PIEZO2: variants seen among roughly 807,000 people sequenced by gnomAD.
The protein encoded by PIEZO2 is piezo type mechanosensitive ion channel component 2.
Under a neutral mutation model 337.3 loss-of-function variants are expected in PIEZO2, and 172 were observed. The ratio of observed to expected loss-of-function variants is 0.51; its 90% CI spans 0.45 to 0.58. The LOEUF (loss-of-function observed/expected upper bound fraction) is 0.58. PIEZO2 is among the 20% of genes least tolerant of loss of function. PIEZO2 has a pLI of 0.00. For missense variants in PIEZO2, 3,028 were observed against 3,391.3 expected, an observed-to-expected ratio of 0.89 and a Z score of 2.66; for synonymous variants, 1,251 against 1,228.5, an observed-to-expected ratio of 1.02 and a Z score of -0.38.
chr18:10,732,009 A>G (rs764843453), intron 35 of PIEZO2, among the ~76,000 whole-genome samples: 3 of 152,244 alleles, frequency 2.0e-5, no homozygotes, highest in Non-Finnish European at 2.9e-5. Context: ...GACTTGAGAA[A>G]GGGATTTGGA....
chr18:10,787,001 A>G, intron 16 of PIEZO2, 35 bp downstream of exon 16: 1 of 1,504,604 alleles, frequency 6.6e-7, no homozygotes, highest in Non-Finnish European at 8.9e-7. Context: ...TCAAGTCTTC[A>G]TCTTGTTCAT....
chr18:10,735,153 T>C (rs2036948271), intron 35 of PIEZO2, among the ~76,000 whole-genome samples, 79 bp downstream of exon 35: 1 of 152,246 alleles, frequency 6.6e-6, no homozygotes, highest in African/African-American at 2.4e-5. Context: ...AATGCAGAGA[T>C]AGGGCAATGA....
At chr18:10,891,355 G>A (rs1205827663) in intron 4 of PIEZO2, among the ~76,000 whole-genome samples, 1 of 152,102 alleles carries the variant, frequency 6.6e-6, no homozygotes. Context: ...TGCTTCCTGC[G>A]GTCACAGTAA....
At chr18:10,712,493 A>G (rs1322945431) in intron 39 of PIEZO2, among the ~76,000 whole-genome samples, 1 of 152,244 alleles carries the variant, frequency 6.6e-6, no homozygotes, top group Non-Finnish European at 1.5e-5. Flanking sequence ...TCTAAATAGA[A>G]CAGTTATAAT....
In PIEZO2 at chr18:11,146,518, G is replaced by C. The variant is rs1024890976; in HGVS notation, c.64+2007C>G. On this transcript the variant is annotated intron_variant, in intron 1 of 55. Coordinates refer to ENST00000674853, the MANE Select transcript of PIEZO2 (RefSeq NM_001378183.1). The surrounding 1 kb of genome is among the most constrained non-coding windows in gnomAD (Gnocchi z 6.1). ...CCCAAGCTGGGAGTGCTGTGAACCA[G>C]GCCAGCTCCCCTTGGGAGGGCAGAG... 6.6e-6 allele frequency among the ~76,000 whole-genome samples: 1 copy of C among 152,206 alleles called. No homozygotes were observed. The highest frequency in any genetic ancestry group is 1.5e-5 in the Non-Finnish European group (1 of 68,040).
At chr18:10,741,708 G>C (rs920163562) in intron 32 of PIEZO2, among the ~76,000 whole-genome samples, 4 of 152,098 alleles carry the variant, frequency 2.6e-5, no homozygotes, top group Non-Finnish European at 5.9e-5. Context: ...TTCATGGTAA[G>C]TTTCATTTGA....
intron 1 of PIEZO2, among the ~76,000 whole-genome samples, chr18:11,147,210 G>A (rs1434749400): frequency 1.3e-5 from 2 of 152,144 alleles, no homozygotes; most frequent in Non-Finnish European, 2.9e-5. Context: ...AGTGAGACTA[G>A]ACCCCTGCAA....
At chr18:10,835,977 G>T (rs2144572512) in intron 7 of PIEZO2, among the ~76,000 whole-genome samples, 1 of 152,344 alleles carries the variant, frequency 6.6e-6, no homozygotes, top group East Asian at 1.9e-4. Context: ...CACTCTGACA[G>T]AGTAATATCA....
chr18:11,130,917 G>A (rs949053723), intron 1 of PIEZO2, among the ~76,000 whole-genome samples: 2 of 152,206 alleles, frequency 1.3e-5, no homozygotes, highest in Admixed American at 6.5e-5. Context: ...GGTCCAGGCT[G>A]CTGTACAAGC....
rs940403172 is a variant in PIEZO2, at chr18:10,676,536, C to T, written c.8081+1211G>A. Among the ~76,000 whole-genome samples, 1 of 152,020 alleles carries T rather than the reference C, an allele frequency of 6.6e-6. No homozygotes were observed. Among genetic ancestry groups the T allele is most frequent in the Non-Finnish European group, 1.5e-5 (1 of 68,014 alleles). The stretch of plus-strand genomic sequence containing the variant: ...TGTTTTTTTCCAAATTTCCTTTTAC[C>T]CCTTGTCCTCCTCAACCGTGTATAC... On this transcript the variant is annotated intron_variant, in intron 53 of 55. Coordinates refer to ENST00000674853, the MANE Select transcript of PIEZO2 (RefSeq NM_001378183.1). This position sits in a 1 kb window ranked among gnomAD's most constrained non-coding sequence, Gnocchi z 5.1.
In PIEZO2 at chr18:10,830,261, C is replaced by T. The variant is rs374251163; in HGVS notation, c.918-22987G>A. On this transcript the variant is annotated intron_variant, in intron 7 of 55. Transcript: ENST00000674853. The surrounding 1 kb of genome is among the most constrained non-coding windows in gnomAD (Gnocchi z 4.7). ...CATACGCAGAAGATTAACACTAGACCCCTATCTCTCACCACACACAACAAT... is the reference window on the plus strand; with the variant it reads ...CATACGCAGAAGATTAACACTAGACTCCTATCTCTCACCACACACAACAAT... Among the ~76,000 whole-genome samples, 3 of 152,198 alleles carry T rather than the reference C, an allele frequency of 2.0e-5. No individual in the cohort carries two copies. The highest frequency in any genetic ancestry group is 7.2e-5 in the African/African-American group (3 of 41,528).
intron 1 of PIEZO2, among the ~76,000 whole-genome samples, chr18:11,136,153 A>T (rs2040479524): frequency 6.6e-6 from 1 of 152,242 alleles, no homozygotes; most frequent in Non-Finnish European, 1.5e-5. Context: ...GTTTGAAAAC[A>T]GCTCAAAATA....
intron 3 of PIEZO2, among the ~76,000 whole-genome samples, chr18:10,931,721 A>T (rs112491160): frequency 0.13 from 19,806 of 147,124 alleles, 1,685 homozygotes; most frequent in African/African-American, 0.25. Context: ...TGTGAGAGAG[A>T]GAGAGAGAGA....
chr18:11,121,427 G>A (rs1020823271), intron 1 of PIEZO2, among the ~76,000 whole-genome samples: 3 of 152,166 alleles, frequency 2.0e-5, no homozygotes, highest in Non-Finnish European at 4.4e-5. Flanking sequence ...TTAGCTGGAT[G>A]TGGTGGTGCC....
rs1193277276 is a variant in PIEZO2 at position 10,716,640 on chromosome 18, T to C, written c.5090-824A>G. ...GAACAGGAGATGCCACGAGCACCTA[T>C]GTTTCCCTCTCCGCCCCTCCTCACA... On this transcript the variant is annotated intron_variant, in intron 37 of 55. Coordinates refer to ENST00000674853, the MANE Select transcript of PIEZO2 (RefSeq NM_001378183.1). The surrounding 1 kb of genome is among the most constrained non-coding windows in gnomAD (Gnocchi z 4.1). 6.6e-6 allele frequency among the ~76,000 whole-genome samples: 1 copy of C among 151,564 alleles called. No individual in the cohort carries two copies. Among genetic ancestry groups the C allele is most frequent in the Admixed American group, 6.6e-5 (1 of 15,260 alleles).
At chr18:11,029,685 G>A (rs2625366) in intron 2 of PIEZO2, among the ~76,000 whole-genome samples, 2 of 151,820 alleles carry the variant, frequency 1.3e-5, no homozygotes, top group South Asian at 2.1e-4. Context: ...CCAGGCCAAC[G>A]TTTTTTGTGT....
chr18:10,778,846 G>A (rs2038882357), intron 18 of PIEZO2, among the ~76,000 whole-genome samples: 1 of 152,200 alleles, frequency 6.6e-6, no homozygotes, highest in African/African-American at 2.4e-5. Context: ...GGGATCAAAA[G>A]TCATACGAGT....
chr18:11,109,672 C>G lies in PIEZO2; in HGVS notation c.64+38853G>C, dbSNP rs1267942986. ...GGTGGAGGTTGCAGTGAGCCAAGAT[C>G]ACACCACTGCACTCCAGCCTGGAAG... On this transcript the variant is annotated intron_variant, in intron 1 of 55. Transcript: ENST00000674853. This position sits in a 1 kb window ranked among gnomAD's most constrained non-coding sequence, Gnocchi z 5.1. Among the ~76,000 whole-genome samples the G allele has an allele frequency of 6.6e-6, 1 of 151,882 alleles. No individual in the cohort carries two copies. The highest frequency in any genetic ancestry group is 1.9e-4 in the East Asian group (1 of 5,186).
chr18:11,071,142 G>A (rs987003222), intron 1 of PIEZO2, among the ~76,000 whole-genome samples: 4 of 152,170 alleles, frequency 2.6e-5, no homozygotes, highest in Non-Finnish European at 4.4e-5. Context: ...AAGGAGTCAT[G>A]CACATATTTG....
Sources: allele counts gnomAD v4.1 joint callset (sites outside exome capture counted in the v4.1 genomes callset), GRCh38; gene constraint gnomAD v4.1.1; non-coding constraint Gnocchi (gnomAD v3.1); transcripts MANE v1.5; gene names NCBI Gene and HGNC (gene_info 2026-07-23, HGNC 2026-07-21).